ZBTB7C: variants seen among roughly 807,000 people sequenced by gnomAD.
ZBTB7C encodes the protein zinc finger and BTB domain-containing protein 7C.
Under a neutral mutation model 25.7 loss-of-function variants are expected in ZBTB7C, and 8 were observed. The observed-to-expected ratio is 0.31, with a 90% CI of 0.18 to 0.56. The LOEUF is 0.56. Among genes scored for constraint, ZBTB7C ranks in the 20% least tolerant of loss-of-function variants. The probability of loss-of-function intolerance (pLI) is 0.91; values close to 1 mark genes in which losing one functional copy is unlikely to be tolerated. For missense variants in ZBTB7C, 824 were observed against 855.2 expected, an observed-to-expected ratio of 0.96 and a Z score of 0.46; for synonymous variants, 394 against 369.0, an observed-to-expected ratio of 1.07 and a Z score of -0.78.
At chr18:48,198,457 C>G (rs2042365528) in intron 2 of ZBTB7C, among the ~76,000 whole-genome samples, 1 of 152,190 alleles carries the variant, frequency 6.6e-6, no homozygotes, top group Non-Finnish European at 1.5e-5. Flanking sequence ...TGGGTCTCAG[C>G]GTGCTAAAAC....
At chr18:48,102,586 A>G (rs911453884) in intron 3 of ZBTB7C, among the ~76,000 whole-genome samples, 9 of 140,662 alleles carry the variant, frequency 6.4e-5, no homozygotes, top group Non-Finnish European at 1.1e-4. Context: ...AAAAAAAAAA[A>G]GTAACTAACC....
chr18:48,268,278 A>G (rs535311328), intron 2 of ZBTB7C, among the ~76,000 whole-genome samples: 1 of 152,286 alleles, frequency 6.6e-6, no homozygotes, highest in Non-Finnish European at 1.5e-5. Flanking sequence ...TATGAAAGAA[A>G]ATTTTGCATG....
rs546476813 is a variant in ZBTB7C at position 48,163,857 on chromosome 18, G to A, written c.-17+22077C>T. On this transcript the variant is annotated intron_variant, in intron 3 of 4. Transcript: ENST00000590800. ...CAGATAAGAAAGTGCTTTGGGAAGT[G>A]AGAAGAACACTCCAAACAGCCCAGG... Among the ~76,000 whole-genome samples, 164 of 152,202 alleles carry A rather than the reference G, an allele frequency of 1.1e-3. 3 individuals are homozygous for A. Among genetic ancestry groups the A allele is most frequent in the Non-Finnish European group, 9.3e-4 (63 of 68,036 alleles).
chr18:48,308,410 G>T (rs1195080823), intron 2 of ZBTB7C, among the ~76,000 whole-genome samples: 1 of 151,996 alleles, frequency 6.6e-6, no homozygotes, highest in Non-Finnish European at 1.5e-5. Flanking sequence ...ACTTTTGGGG[G>T]TCAGTCCACC....
chr18:48,233,362 A>G lies in ZBTB7C; in HGVS notation c.-78-47367T>C, dbSNP rs1223578350. On this transcript the variant is annotated intron_variant, in intron 2 of 4. Transcript: ENST00000590800. ...TGTAAGAAATAAATTTTTCTTTATAATGTATCCAGTCTCTGGTATTCTCTT... is the reference window on the plus strand; with the variant it reads ...TGTAAGAAATAAATTTTTCTTTATAGTGTATCCAGTCTCTGGTATTCTCTT... Among the ~76,000 whole-genome samples the G allele has an allele frequency of 2.0e-5, 3 of 152,344 alleles. No individual in the cohort carries two copies. The South Asian group carries it at 6.2e-4, about 32-fold the overall frequency.
At chr18:48,403,220 G>A (rs1389631511) in intron 1 of ZBTB7C, among the ~76,000 whole-genome samples, 1 of 152,232 alleles carries the variant, frequency 6.6e-6, no homozygotes, top group Non-Finnish European at 1.5e-5. Flanking sequence ...AGCCAGTCAA[G>A]CTAGAGGAAC....
chr18:48,130,365 G>A lies in ZBTB7C; in HGVS notation c.-17+55569C>T, dbSNP rs1395344114. ...GCTCTGGGGGCTTTAAGGGAAGTGGGCAGGGATGACCCTGAGTGGGGAGGG... is the reference window on the plus strand; with the variant it reads ...GCTCTGGGGGCTTTAAGGGAAGTGGACAGGGATGACCCTGAGTGGGGAGGG... On this transcript the variant is annotated intron_variant, in intron 3 of 4. Coordinates refer to ENST00000590800, the MANE Select transcript of ZBTB7C (RefSeq NM_001318841.2). 2.0e-5 allele frequency among the ~76,000 whole-genome samples: 3 copies of A among 152,172 alleles called. No homozygotes were observed. In the South Asian group the frequency reaches 6.2e-4, roughly 32 times the overall value.
intron 2 of ZBTB7C, among the ~76,000 whole-genome samples, chr18:48,234,574 T>C (rs16948945): frequency 0.011 from 1,724 of 152,334 alleles, 37 homozygotes; most frequent in African/African-American, 0.04. Flanking sequence ...CACCATGAAC[T>C]CTTTCCACAT....
At chr18:48,349,118 T>C (rs972004292) in intron 1 of ZBTB7C, among the ~76,000 whole-genome samples, 30 of 152,310 alleles carry the variant, frequency 2.0e-4, no homozygotes, top group Admixed American at 1.2e-3. Context: ...GCTGGCTGGC[T>C]GGTGGCTGGC....
chr18:48,275,793 C>A (rs998585612), intron 2 of ZBTB7C, among the ~76,000 whole-genome samples: 6 of 152,182 alleles, frequency 3.9e-5, no homozygotes, highest in African/African-American at 1.4e-4. Context: ...TCTCTCAGCT[C>A]TTAATGACAC....
chr18:48,277,448 T>C (rs2044697161), intron 2 of ZBTB7C, among the ~76,000 whole-genome samples: 1 of 152,182 alleles, frequency 6.6e-6, no homozygotes, highest in Non-Finnish European at 1.5e-5. Context: ...CACTATGAGA[T>C]ACCATCTCAC....
Position 48,040,114 on chromosome 18 carries a change from C to A in ZBTB7C, c.994G>T (p.Gly332Cys). ...GCACTCAGGAAGTTGAGATAGGCACCGTAGTCGTTCTCCGCCTTGATGGGT... is the reference window on the plus strand; with the variant it reads ...GCACTCAGGAAGTTGAGATAGGCACAGTAGTCGTTCTCCGCCTTGATGGGT... ...LGPIKAENDYGAYLNFLSATH... is the reference protein window; with the variant it reads ...LGPIKAENDYCAYLNFLSATH... The change falls in exon 4 of 5, where the codon GGT becomes TGT. Residue 332 changes from glycine to cysteine, a missense_variant. Physicochemically the swap from Gly to Cys is radical, Grantham distance 159. Coordinates refer to ENST00000590800, the MANE Select transcript of ZBTB7C (RefSeq NM_001318841.2). 1 of 1,600,846 alleles carries A rather than the reference C, an allele frequency of 6.2e-7. No homozygotes were observed. Among genetic ancestry groups the A allele is most frequent in the Non-Finnish European group, 8.5e-7 (1 of 1,173,470 alleles).
intron 3 of ZBTB7C, among the ~76,000 whole-genome samples, chr18:48,100,720 C>T (rs1417361111): frequency 1.3e-5 from 2 of 152,098 alleles, no homozygotes; most frequent in East Asian, 1.9e-4. Flanking sequence ...ATAAGGGGGC[C>T]GCATTTCTTG....
At chr18:48,295,432 T>C (rs917514359) in intron 2 of ZBTB7C, among the ~76,000 whole-genome samples, 3 of 152,146 alleles carry the variant, frequency 2.0e-5, no homozygotes, top group Admixed American at 2.0e-4. Flanking sequence ...TTCCAGAATG[T>C]TTCCTCTGCG....
chr18:48,210,300 A>G (rs1420206395), intron 2 of ZBTB7C, among the ~76,000 whole-genome samples: 2 of 152,238 alleles, frequency 1.3e-5, no homozygotes, highest in African/African-American at 4.8e-5. Flanking sequence ...CATATGATCC[A>G]GAAATTTCAC....
At chr18:48,353,472 T>C (rs2046908466) in intron 1 of ZBTB7C, among the ~76,000 whole-genome samples, 1 of 152,166 alleles carries the variant, frequency 6.6e-6, no homozygotes, top group Non-Finnish European at 1.5e-5. Flanking sequence ...GTCATGGCAC[T>C]GTTTGGGGGA....
chr18:48,044,869 T>G (rs578039331), intron 3 of ZBTB7C, among the ~76,000 whole-genome samples: 64 of 152,312 alleles, frequency 4.2e-4, no homozygotes, highest in African/African-American at 1.5e-3. Context: ...CGCATTTAGC[T>G]CCTATTGTTA....
At chr18:48,135,948 C>T (rs945602731) in intron 3 of ZBTB7C, among the ~76,000 whole-genome samples, 7 of 152,222 alleles carry the variant, frequency 4.6e-5, no homozygotes, top group Admixed American at 3.3e-4. Context: ...GGCAGCCGCC[C>T]GCTGCCCACC....
At position 48,040,303 on chromosome 18, in the gene ZBTB7C, G is replaced by T; in HGVS notation, c.805C>A (p.Gln269Lys). Reference sequence around the variant, plus strand: ...CTGTCCATGGGCTGCTCAGGCAGCTGGGCAAAGGCACCGAAGTCCCCTGGC... The same window carrying T: ...CTGTCCATGGGCTGCTCAGGCAGCTTGGCAAAGGCACCGAAGTCCCCTGGC... The part of the protein sequence containing the change: ...LWPGDFGAFA[Q>K]LPEQPMDSGP... Residue 269 changes from glutamine to lysine, a missense_variant, in exon 4 of 5, where the codon CAG becomes AAG. Physicochemically the swap from Gln to Lys is moderately conservative, Grantham distance 53. This residue lies in a region of ZBTB7C where 316 missense variants were observed against 299.2 expected (regional missense o/e 1.06). Transcript: ENST00000590800. 1 of 1,579,236 alleles carries T rather than the reference G, an allele frequency of 6.3e-7. No individual in the cohort carries two copies. The highest frequency in any genetic ancestry group is 8.6e-7 in the Non-Finnish European group (1 of 1,164,626).
Sources: allele counts gnomAD v4.1 joint callset (sites outside exome capture counted in the v4.1 genomes callset), GRCh38; gene constraint gnomAD v4.1.1; regional missense constraint gnomAD v4.1.1; transcripts MANE v1.5; gene names NCBI Gene and HGNC (gene_info 2026-07-23, HGNC 2026-07-21).